Variants in BNC2 observed in about 807,000 individuals in gnomAD.
BNC2 encodes the protein zinc finger protein basonuclin-2.
Under a neutral mutation model 76.3 loss-of-function variants are expected in BNC2, and 20 were observed. The ratio of observed to expected loss-of-function variants is 0.26; its 90% CI spans 0.18 to 0.38. The LOEUF is 0.38. Ranked by LOEUF, BNC2 falls within the 10% of genes least tolerant of loss-of-function variation. BNC2 has a pLI of 1.00. For synonymous variants in BNC2, 582 were observed against 514.8 expected (o/e 1.13, Z -1.77); for missense variants, 1,382 against 1,399.8 (o/e 0.99, Z 0.20).
At chr9:16,647,041 G>C (rs1439029616) in intron 3 of BNC2, among the ~76,000 whole-genome samples, 1 of 152,190 alleles carries the variant, frequency 6.6e-6, no homozygotes, top group East Asian at 1.9e-4. Context: ...AGGGGTGTCG[G>C]AAGACAAAGA....
At chr9:16,811,783 C>T (rs182367429) in intron 1 of BNC2, among the ~76,000 whole-genome samples, 4 of 152,180 alleles carry the variant, frequency 2.6e-5, no homozygotes, top group Admixed American at 2.6e-4. Context: ...AAAGAAGAGC[C>T]CCTAGTGAAT....
intron 4 of BNC2, among the ~76,000 whole-genome samples, chr9:16,558,289 C>A (rs1008160217): frequency 6.6e-6 from 1 of 152,234 alleles, no homozygotes; most frequent in Non-Finnish European, 1.5e-5. Context: ...CAGGAACTTA[C>A]TTAGAACTAC....
chr9:16,622,131 G>C (rs992226900), intron 3 of BNC2, among the ~76,000 whole-genome samples: 5 of 151,984 alleles, frequency 3.3e-5, no homozygotes, highest in African/African-American at 1.2e-4. Flanking sequence ...TGAAAATCAA[G>C]GAAATGGATT....
At chr9:16,564,795 G>A (rs1038177721) in intron 4 of BNC2, among the ~76,000 whole-genome samples, 2 of 150,444 alleles carry the variant, frequency 1.3e-5, no homozygotes, top group African/African-American at 5.0e-5. Context: ...AACAATGATT[G>A]TCCACATGTT....
At chr9:16,507,988 G>A (rs532344243) in intron 5 of BNC2, among the ~76,000 whole-genome samples, 24 of 152,234 alleles carry the variant, frequency 1.6e-4, no homozygotes, top group African/African-American at 4.8e-4. Flanking sequence ...GAAAATTTTA[G>A]TCATTGAGTA....
chr9:16,414,549 G>A lies in BNC2; in HGVS notation c.*4440C>T, dbSNP rs1820543942. ...AAAAAGAAGCTCTTAAGAAAAGGGT[G>A]TGACCACAGGATGAAAAAAAGTTTC... On this transcript the variant is annotated 3_prime_UTR_variant, in exon 7 of 7. Transcript: ENST00000380672. 6.6e-6 allele frequency: 1 copy of A among 152,232 alleles called. No individual in the cohort carries two copies. The highest frequency in any genetic ancestry group is 2.4e-5 in the African/African-American group (1 of 41,464). The allele number at this position is 152,232 out of a possible 1,614,324, so 9.4% of individuals were successfully genotyped here.
At chr9:16,513,976 T>C (rs1457187103) in intron 5 of BNC2, among the ~76,000 whole-genome samples, 1 of 152,164 alleles carries the variant, frequency 6.6e-6, no homozygotes, top group Non-Finnish European at 1.5e-5. Flanking sequence ...AAAACTAATT[T>C]CTTTTCAAAA....
chr9:16,798,946 C>A (rs1817719652), intron 1 of BNC2, among the ~76,000 whole-genome samples: 2 of 152,232 alleles, frequency 1.3e-5, no homozygotes, highest in Non-Finnish European at 2.9e-5. Context: ...TGGCCCACAG[C>A]TAAATACACC....
chr9:16,653,186 G>C (rs1417059827), intron 3 of BNC2, among the ~76,000 whole-genome samples: 1 of 152,010 alleles, frequency 6.6e-6, no homozygotes, highest in African/African-American at 2.4e-5. Flanking sequence ...TGGACAAATG[G>C]GTCTGTGTAG....
At chr9:16,468,788 C>T (rs186496691) in intron 5 of BNC2, among the ~76,000 whole-genome samples, 1 of 152,262 alleles carries the variant, frequency 6.6e-6, no homozygotes, top group East Asian at 1.9e-4. Context: ...AAGTGTTATT[C>T]AAGGTGACAC....
chr9:16,788,680 G>T (rs1817409842), intron 1 of BNC2, among the ~76,000 whole-genome samples: 3 of 152,034 alleles, frequency 2.0e-5, no homozygotes, highest in Non-Finnish European at 4.4e-5. Context: ...AAGAGAAAAG[G>T]GAGCCCTTTA....
chr9:16,674,578 A>G (rs772288158), intron 3 of BNC2, among the ~76,000 whole-genome samples: 1 of 152,188 alleles, frequency 6.6e-6, no homozygotes, highest in Non-Finnish European at 1.5e-5. Flanking sequence ...CTTGTCTTTG[A>G]TATCAAACTT....
intron 3 of BNC2, chr9:16,685,548 G>T (rs1478715361): frequency 7.7e-7 from 1 of 1,304,016 alleles, no homozygotes. Context: ...CTCTAACCTG[G>T]ACTTCCAGCC....
At chr9:16,815,134 T>C (rs552168800) in intron 1 of BNC2, among the ~76,000 whole-genome samples, 1 of 152,090 alleles carries the variant, frequency 6.6e-6, no homozygotes, top group Non-Finnish European at 1.5e-5. Context: ...AAGGACTTAA[T>C]TAAGAAGTGT....
At chr9:16,437,601 A>C (rs1821045698) in intron 5 of BNC2, 77 bp from the exon 6 acceptor site, 1 of 1,520,940 alleles carries the variant, frequency 6.6e-7, no homozygotes, top group African/African-American at 1.4e-5. Flanking sequence ...AATGCAACTG[A>C]AGGTGCTCTG....
intron 3 of BNC2, among the ~76,000 whole-genome samples, chr9:16,681,405 G>T (rs1294862185): frequency 1.3e-5 from 2 of 152,180 alleles, no homozygotes; most frequent in African/African-American, 4.8e-5. Flanking sequence ...GGCAGATGTG[G>T]AAAGGAGATG....
intron 1 of BNC2, among the ~76,000 whole-genome samples, chr9:16,810,737 C>A (rs927294547): frequency 1.3e-5 from 2 of 152,104 alleles, no homozygotes; most frequent in Non-Finnish European, 2.9e-5. Context: ...ATGCTTAAAG[C>A]CAGTGATCCA....
At chr9:16,469,122 G>A (rs1030841465) in intron 5 of BNC2, among the ~76,000 whole-genome samples, 1 of 152,160 alleles carries the variant, frequency 6.6e-6, no homozygotes, top group Non-Finnish European at 1.5e-5. Flanking sequence ...ACTAGGTACT[G>A]TATATGACTA....
In BNC2 at chr9:16,449,974, T is replaced by C. The variant is rs1821307845; in HGVS notation, c.670-12450A>G. Among the ~76,000 whole-genome samples the C allele has an allele frequency of 2.0e-5, 3 of 152,128 alleles. No homozygotes were observed. The South Asian group carries it at 6.2e-4, about 32-fold the overall frequency. On this transcript the variant is annotated intron_variant, in intron 5 of 6. Transcript: ENST00000380672. ...CAATTTTAAATCAAATTAAACGGGT[T>C]AGGTATAAGCCACACTCTTCAGCTG...
Sources: allele counts gnomAD v4.1 joint callset (sites outside exome capture counted in the v4.1 genomes callset), GRCh38; gene constraint gnomAD v4.1.1; transcripts MANE v1.5; gene names NCBI Gene and HGNC (gene_info 2026-07-23, HGNC 2026-07-21).